Variants in PALLD observed in about 807,000 individuals in gnomAD.
The protein encoded by PALLD is palladin, cytoskeletal associated protein.
PALLD carries 61 observed loss-of-function variants against 123.5 expected under a neutral mutation model. That is an observed-to-expected ratio of 0.49 (90% CI 0.40 to 0.61). PALLD has a LOEUF of 0.61. Among genes scored for constraint, PALLD ranks in the 20% least tolerant of loss-of-function variants. The pLI is 0.00. For missense variants in PALLD, 1,273 were observed against 1,377.0 expected (o/e 0.92, Z 1.20); for synonymous variants, 465 against 496.4 (o/e 0.94, Z 0.84).
chr4:168,853,582 C>T (rs76585611), intron 10 of PALLD, among the ~76,000 whole-genome samples: 5,328 of 152,112 alleles, frequency 0.035, 123 homozygotes, highest in Middle Eastern at 0.058. Context: ...TTTGACCTGA[C>T]ATCTGAAGGC....
Position 168,916,162 on chromosome 4 carries a change from C to G in PALLD, c.2850+135C>G, listed in dbSNP as rs1760042741. The G allele has an allele frequency of 1.0e-5, 9 of 895,402 alleles. No individual in the cohort carries two copies. In the Middle Eastern group the frequency reaches 1.3e-3, roughly 131 times the overall value. 55.5% of individuals were successfully genotyped at this position (895,402 alleles called of 1,614,324 possible). ...GCACAGTGGCTCACACCTATAATCC[C>G]AGCACTTTAGAGTCCAAAGCCGGGC... On this transcript the variant is annotated intron_variant, in intron 17 of 21. Coordinates refer to ENST00000505667, the MANE Select transcript of PALLD (RefSeq NM_001166108.2).
chr4:168,571,340 CT>C (rs1290183739), intron 2 of PALLD, among the ~76,000 whole-genome samples: 4 of 152,080 alleles, frequency 2.6e-5, no homozygotes, highest in African/African-American at 7.2e-5. Flanking sequence ...ACTAAGATAA[CT>C]TTTTTCCCCT....
intron 3 of PALLD, among the ~76,000 whole-genome samples, chr4:168,671,775 C>T (rs1364362999): frequency 1.3e-5 from 2 of 152,198 alleles, no homozygotes; most frequent in African/African-American, 4.8e-5. Flanking sequence ...CTAAATTAGA[C>T]TCACCCATAT....
At position 168,668,177 on chromosome 4, in the gene PALLD, A is replaced by G. The variant is rs1366350916; in HGVS notation, c.909-13A>G. ...CTTTCCCTCCTATCCTTTGACCTCC[A>G]TTTGGCCTGCAGATGGTTCTGTGAA... On this transcript the variant is annotated splice_polypyrimidine_tract_variant and intron_variant, in intron 2 of 21. Coordinates refer to ENST00000505667, the MANE Select transcript of PALLD (RefSeq NM_001166108.2). 1.2e-6 allele frequency: 2 copies of G among 1,610,706 alleles called. No homozygotes were observed. The highest frequency in any genetic ancestry group is 8.5e-7 in the Non-Finnish European group (1 of 1,177,026).
chr4:168,750,545 T>C (rs1482452150), intron 10 of PALLD, among the ~76,000 whole-genome samples: 2 of 152,200 alleles, frequency 1.3e-5, no homozygotes, highest in Non-Finnish European at 2.9e-5. Flanking sequence ...TATATATTTT[T>C]TAACAAAATT....
At chr4:168,785,879 C>CTATATATATATATATATATATATATATA (rs1736680112) in intron 10 of PALLD, among the ~76,000 whole-genome samples, 1 of 56,482 alleles carries the variant, frequency 1.8e-5, no homozygotes, top group Admixed American at 1.6e-4. Context: ...ATATATATAG[C>CTATATATATATATATATATATATATATA]ATTTTAAGCC....
chr4:168,862,442 C>T (rs1418077988), intron 10 of PALLD, among the ~76,000 whole-genome samples: 2 of 152,108 alleles, frequency 1.3e-5, no homozygotes, highest in Non-Finnish European at 2.9e-5. Flanking sequence ...ACACTGTGCC[C>T]AGCCAAGAAA....
In PALLD at chr4:168,909,698, CCTA is replaced by C. The variant is rs1253532376; in HGVS notation, c.2623-4225_2623-4223del. Among the ~76,000 whole-genome samples the C allele has an allele frequency of 7.2e-5, 11 of 152,204 alleles. No homozygotes were observed. In the East Asian group the frequency reaches 2.1e-3, roughly 29 times the overall value. ...GCAGCAGCATTAATGTGCATCAGAGCCTACTAACTATGATTACCAGGGTTAATA... is the reference window on the plus strand; with the variant it reads ...GCAGCAGCATTAATGTGCATCAGAGCCTAACTATGATTACCAGGGTTAATA... On this transcript the variant is annotated intron_variant, in intron 15 of 21. Coordinates refer to ENST00000505667, the MANE Select transcript of PALLD (RefSeq NM_001166108.2).
At chr4:168,739,305 A>G (rs1207263800) in intron 10 of PALLD, among the ~76,000 whole-genome samples, 1 of 152,122 alleles carries the variant, frequency 6.6e-6, no homozygotes, top group African/African-American at 2.4e-5. Context: ...GCTGGATGGT[A>G]TGGTAGTTCG....
chr4:168,550,277 A>ATT (rs5863942), intron 2 of PALLD, among the ~76,000 whole-genome samples: 97 of 151,324 alleles, frequency 6.4e-4, no homozygotes, highest in African/African-American at 2.0e-3. Flanking sequence ...GCAAAACTAC[A>ATT]TTTTTTTTTA....
chr4:168,541,947 C>G (rs974095823), intron 2 of PALLD, among the ~76,000 whole-genome samples: 3 of 152,256 alleles, frequency 2.0e-5, no homozygotes, highest in African/African-American at 7.2e-5. Flanking sequence ...GACAAAAATG[C>G]CTGCCTTTTG....
intron 21 of PALLD, among the ~76,000 whole-genome samples, chr4:168,925,690 AC>A (rs1229851885): frequency 6.6e-5 from 10 of 152,292 alleles, no homozygotes; most frequent in South Asian, 2.1e-4. Context: ...CATAAAAAAA[AC>A]ACTAGAAAAA....
At chr4:168,761,651 T>TTTTTG (rs1732903648) in intron 10 of PALLD, among the ~76,000 whole-genome samples, 2 of 36,208 alleles carry the variant, frequency 5.5e-5, no homozygotes, top group South Asian at 7.7e-4. Context: ...GTTTGTTTTT[T>TTTTTG]TTTTTTTTTT....
At chr4:168,739,898 T>A (rs1788159981) in intron 10 of PALLD, among the ~76,000 whole-genome samples, 1 of 152,214 alleles carries the variant, frequency 6.6e-6, no homozygotes, top group African/African-American at 2.4e-5. Context: ...TGTCCCTTTG[T>A]TTCACACTCG....
chr4:168,737,905 A>T (rs777372508), intron 10 of PALLD, among the ~76,000 whole-genome samples: 4 of 152,192 alleles, frequency 2.6e-5, no homozygotes, highest in Non-Finnish European at 5.9e-5. Flanking sequence ...TGAGCAAAAC[A>T]CGCATAGCAT....
At chr4:168,627,430 G>A (rs1372699235) in intron 2 of PALLD, among the ~76,000 whole-genome samples, 1 of 152,016 alleles carries the variant, frequency 6.6e-6, no homozygotes, top group Non-Finnish European at 1.5e-5. Flanking sequence ...GAATCACTTG[G>A]ACCTAGGAAG....
At chr4:168,685,374 A>T in intron 5 of PALLD, 111 bp from the exon 6 acceptor site, 1 of 778,128 alleles carries the variant, frequency 1.3e-6, no homozygotes, top group East Asian at 2.4e-5. Context: ...TGGTACTTTC[A>T]TTCACTCATT....
At chr4:168,820,171 T>A (rs1350245485) in intron 10 of PALLD, among the ~76,000 whole-genome samples, 2 of 152,258 alleles carry the variant, frequency 1.3e-5, no homozygotes, top group African/African-American at 4.8e-5. Flanking sequence ...AACTCCTTAG[T>A]GGCAGAAGTC....
At chr4:168,893,173 TTTGATGTGTTACAA>T (rs1347154329) in intron 11 of PALLD, among the ~76,000 whole-genome samples, 1 of 152,226 alleles carries the variant, frequency 6.6e-6, no homozygotes, top group African/African-American at 2.4e-5. Context: ...CAGGCCTGCC[TTTGATGTGTTACAA>T]TTCTCCGTGA....
Sources: gnomAD v4.1 joint callset for allele counts (sites outside exome capture counted in the v4.1 genomes callset) on GRCh38, gnomAD v4.1.1 for gene constraint, MANE v1.5 for transcripts, NCBI Gene and HGNC (gene_info 2026-07-23, HGNC 2026-07-21) for gene names.